FGF2: variants seen among roughly 807,000 people sequenced by gnomAD.
FGF2 encodes fibroblast growth factor 2, also known as basic fibroblast growth factor bFGF.
In FGF2, 13 loss-of-function variants were observed where a neutral mutation model predicts 15.9. That is an observed-to-expected ratio of 0.82 (90% CI 0.53 to 1.30). The LOEUF is 1.30. Ranked by LOEUF, FGF2 falls within the 50% of genes most tolerant of loss-of-function variation. The pLI is 0.00. For missense variants in FGF2, 163 were observed against 196.9 expected, an observed-to-expected ratio of 0.83 and a Z score of 1.03; for synonymous variants, 90 against 78.4, an observed-to-expected ratio of 1.15 and a Z score of -0.78.
At chr4:122,845,526 C>T (rs1726092116) in intron 1 of FGF2, among the ~76,000 whole-genome samples, 1 of 152,192 alleles carries the variant, frequency 6.6e-6, no homozygotes, top group South Asian at 2.1e-4. Flanking sequence ...GTGTAGCTAC[C>T]TTCATCAGTG....
chr4:122,863,208 A>G (rs1726507741), intron 1 of FGF2, among the ~76,000 whole-genome samples: 1 of 152,126 alleles, frequency 6.6e-6, no homozygotes, highest in South Asian at 2.1e-4. Flanking sequence ...GAAAGTGTAG[A>G]CTTATTTCAG....
At chr4:122,830,517 A>C (rs768520390) in intron 1 of FGF2, among the ~76,000 whole-genome samples, 15 of 152,178 alleles carry the variant, frequency 9.9e-5, no homozygotes, top group Admixed American at 2.6e-4. Context: ...TTCATTTGAC[A>C]TGAGAGTCTT....
chr4:122,863,202 G>A (rs943724013), intron 1 of FGF2, among the ~76,000 whole-genome samples: 1 of 152,138 alleles, frequency 6.6e-6, no homozygotes. Context: ...CCCAATGAAA[G>A]TGTAGACTTA....
chr4:122,857,056 G>T (rs1714398433), intron 1 of FGF2, among the ~76,000 whole-genome samples: 1 of 152,174 alleles, frequency 6.6e-6, no homozygotes, highest in African/African-American at 2.4e-5. Context: ...GCTGTGCCAG[G>T]AGTCAGTGTG....
chr4:122,827,367 G>T lies in FGF2; in HGVS notation c.178+15G>T. 1 of 1,612,176 alleles carries T rather than the reference G, an allele frequency of 6.2e-7. No homozygotes were observed. Among genetic ancestry groups the T allele is most frequent in the Non-Finnish European group, 8.5e-7 (1 of 1,179,540 alleles). On this transcript the variant is annotated intron_variant, in intron 1 of 2. Transcript: ENST00000644866. The surrounding 1 kb of genome is among the most constrained non-coding windows in gnomAD (Gnocchi z 4.2). ...CGACCCTCACAGTGAGTGCCGACCC[G>T]CTCTCTCCGCCTCATTTCCATTTCG...
chr4:122,867,321 AAAAC>A (rs949871609), intron 1 of FGF2, among the ~76,000 whole-genome samples: 5 of 152,228 alleles, frequency 3.3e-5, no homozygotes, highest in African/African-American at 1.2e-4. Flanking sequence ...TATAACAGGT[AAAAC>A]AAACAAAGGA....
intron 1 of FGF2, among the ~76,000 whole-genome samples, chr4:122,833,251 C>T (rs909042555): frequency 6.6e-6 from 1 of 151,834 alleles, no homozygotes; most frequent in Admixed American, 6.6e-5. Context: ...GCAATTTAAC[C>T]TCTAAGATGA....
intron 2 of FGF2, chr4:122,890,011 A>AT (rs1169936826): frequency 6.6e-6 from 1 of 152,072 alleles, no homozygotes; most frequent in Non-Finnish European, 1.5e-5. Context: ...GTGACCTTTC[A>AT]TGTTGTCTTT....
At chr4:122,868,203 A>C (rs1012470353) in intron 1 of FGF2, among the ~76,000 whole-genome samples, 1 of 152,180 alleles carries the variant, frequency 6.6e-6, no homozygotes, top group Non-Finnish European at 1.5e-5. Context: ...CAGAACGTGC[A>C]CATAGGTATA....
intron 1 of FGF2, among the ~76,000 whole-genome samples, chr4:122,850,931 A>G (rs938765126): frequency 6.6e-6 from 1 of 152,184 alleles, no homozygotes; most frequent in Admixed American, 6.5e-5. Context: ...TAGAAAATGT[A>G]TACACTATAG....
In FGF2 at chr4:122,860,816, G is replaced by A. The variant is rs1466096894; in HGVS notation, c.179-15505G>A. On this transcript the variant is annotated intron_variant, in intron 1 of 2. Transcript: ENST00000644866. Reference sequence around the variant, plus strand: ...CTAAGAAATTGATACTGGTTACAACGCTGGTTCTAAAGTATAGATTTATTT... The same window carrying A: ...CTAAGAAATTGATACTGGTTACAACACTGGTTCTAAAGTATAGATTTATTT... 2.0e-5 allele frequency among the ~76,000 whole-genome samples: 3 copies of A among 152,044 alleles called. No homozygotes were observed. In the East Asian group the frequency reaches 5.8e-4, roughly 29 times the overall value.
At chr4:122,887,140 C>T (rs1727076251) in intron 2 of FGF2, among the ~76,000 whole-genome samples, 1 of 152,026 alleles carries the variant, frequency 6.6e-6, no homozygotes, top group Non-Finnish European at 1.5e-5. Context: ...ATGGTGAAAC[C>T]CTGTCTTTAC....
At chr4:122,835,510 A>G (rs934617400) in intron 1 of FGF2, among the ~76,000 whole-genome samples, 3 of 152,048 alleles carry the variant, frequency 2.0e-5, no homozygotes, top group Non-Finnish European at 4.4e-5. Context: ...CTTCAACTTA[A>G]CATACATAAA....
intron 1 of FGF2, among the ~76,000 whole-genome samples, chr4:122,856,959 A>T (rs1726354851): frequency 6.6e-6 from 1 of 152,330 alleles, no homozygotes; most frequent in East Asian, 1.9e-4. Flanking sequence ...TGAGAAGAAA[A>T]GACCATTTAA....
chr4:122,897,365 C>A lies in FGF2; in HGVS notation c.*4969C>A, dbSNP rs1177802066. The stretch of plus-strand genomic sequence containing the variant: ...ATATCCAAAGCTTCTCATTTTCAGA[C>A]AGATTAATCCAGAAGCAGTCATAAA... On this transcript the variant is annotated 3_prime_UTR_variant, in exon 3 of 3. Transcript: ENST00000644866. The A allele has an allele frequency of 2.1e-5, 9 of 430,770 alleles. No homozygotes were observed. Among genetic ancestry groups the A allele is most frequent in the Admixed American group, 1.6e-4 (4 of 24,692 alleles). The allele number at this position is 430,770 out of a possible 1,614,324, so 26.7% of individuals were successfully genotyped here.
intron 1 of FGF2, among the ~76,000 whole-genome samples, chr4:122,849,201 C>A (rs1726176891): frequency 6.6e-6 from 1 of 152,214 alleles, no homozygotes; most frequent in Admixed American, 6.5e-5. Flanking sequence ...TGTTCCCAAC[C>A]AAAGTGCCCA....
rs111249167 is a variant in FGF2 at position 122,850,607 on chromosome 4, G to T, written c.178+23255G>T. 5.5e-3 allele frequency among the ~76,000 whole-genome samples: 830 copies of T among 152,148 alleles called. 5 individuals carry two copies. The highest frequency in any genetic ancestry group is 0.019 in the African/African-American group (773 of 41,518). ...GGAAGTAGAAAGTAGAAGAGGGAAA[G>T]GAAGAAAGAGAAAAAAACAAAAACA... On this transcript the variant is annotated intron_variant, in intron 1 of 2. Coordinates refer to ENST00000644866, the MANE Select transcript of FGF2 (RefSeq NM_001361665.2).
chr4:122,841,661 A>T (rs528541628), intron 1 of FGF2, among the ~76,000 whole-genome samples: 1 of 152,336 alleles, frequency 6.6e-6, no homozygotes, highest in East Asian at 1.9e-4. Flanking sequence ...AGCTGATCCT[A>T]TTTTCCAATT....
At chr4:122,874,307 A>G (rs934601624) in intron 1 of FGF2, among the ~76,000 whole-genome samples, 2 of 152,226 alleles carry the variant, frequency 1.3e-5, no homozygotes, top group Non-Finnish European at 2.9e-5. Flanking sequence ...TGTAAAAAAT[A>G]CTTCATACCC....
Sources: allele counts gnomAD v4.1 joint callset (sites outside exome capture counted in the v4.1 genomes callset), GRCh38; gene constraint gnomAD v4.1.1; non-coding constraint Gnocchi (gnomAD v3.1); transcripts MANE v1.5; gene names NCBI Gene and HGNC (gene_info 2026-07-23, HGNC 2026-07-21).